Variants in SORBS3 observed in about 807,000 individuals in gnomAD.
SORBS3 encodes vinexin.
In SORBS3, 69 loss-of-function variants were observed where a neutral mutation model predicts 98.0. That is an observed-to-expected ratio of 0.70 (90% CI 0.58 to 0.86). The LOEUF (loss-of-function observed/expected upper bound fraction) is 0.86. SORBS3 is among the 40% of genes least tolerant of loss of function. The pLI, the probability that SORBS3 is intolerant of heterozygous loss-of-function variation, is 0.00. For synonymous variants in SORBS3, 394 were observed against 355.4 expected (o/e 1.11, Z -1.22); for missense variants, 954 against 908.5 (o/e 1.05, Z -0.64).
In SORBS3 at chr8:22,571,818, C is replaced by T; in HGVS notation, c.1844C>T (p.Thr615Ile). 6.2e-7 allele frequency: 1 copy of T among 1,605,874 alleles called. No individual in the cohort carries two copies. Among genetic ancestry groups the T allele is most frequent in the Non-Finnish European group, 8.5e-7 (1 of 1,172,688 alleles). ...SSPNTSQIHW[T>I]PYRAMYQYRP... ...CCTAACACCTCTCAGATACACTGGA[C>T]CCCGTGAGTACCATCTGAGGGCTCT... is the stretch of plus-strand genomic sequence containing the variant. The change falls in exon 19 of 21, where the codon ACC becomes ATC. Residue 615 changes from threonine to isoleucine, a missense_variant. Thr to Ile is a moderately conservative substitution (Grantham distance 89). Transcript: ENST00000240123.
At chr8:22,572,586 C>T (rs1840619250) in intron 20 of SORBS3, 140 bp downstream of exon 20, 1 of 693,466 alleles carries the variant, frequency 1.4e-6, no homozygotes, top group African/African-American at 1.8e-5. Context: ...ACTGGGGGGG[C>T]CTGGCACCCG....
intron 1 of SORBS3, chr8:22,545,507 C>T (rs1840007078): frequency 6.6e-6 from 1 of 152,302 alleles, no homozygotes; most frequent in South Asian, 2.1e-4. Context: ...AAAGATGATA[C>T]TGGAGAGTAT....
chr8:22,554,775 C>A lies in SORBS3; in HGVS notation c.103-88C>A. The A allele has an allele frequency of 7.0e-7, 1 of 1,426,186 alleles. No homozygotes were observed. The highest frequency in any genetic ancestry group is 1.3e-5 in the South Asian group (1 of 79,188). The allele number at this position is 1,426,186 out of a possible 1,614,324, so 88.3% of individuals were successfully genotyped here. ...AATCGTCAGGCGGGCCTGGGACTGT[C>A]ACCGAGGGGTGTGGGCTGTGCCTAG... On this transcript the variant is annotated intron_variant, in intron 2 of 20. Transcript: ENST00000240123. The surrounding 1 kb of genome is among the most constrained non-coding windows in gnomAD (Gnocchi z 6.5).
At chr8:22,567,848 CTT>C (rs35668704) in intron 16 of SORBS3, among the ~76,000 whole-genome samples, 4 of 142,514 alleles carry the variant, frequency 2.8e-5, no homozygotes, top group Admixed American at 2.1e-4. Context: ...TCTTCTCTTT[CTT>C]TTTTTTTTTT....
chr8:22,566,842 G>A lies in SORBS3; in HGVS notation c.1164G>A (p.Lys388=). 1 of 1,613,426 alleles carries A rather than the reference G, an allele frequency of 6.2e-7. No homozygotes were observed. The highest frequency in any genetic ancestry group is 8.5e-7 in the Non-Finnish European group (1 of 1,179,662). Reference sequence around the variant, plus strand: ...CCTAGAGAAAGGCCGCCAGGCTCAAGTTTGACTTCCAGGCGCAGTCCCCCA... The same window carrying A: ...CCTAGAGAAAGGCCGCCAGGCTCAAATTTGACTTCCAGGCGCAGTCCCCCA... ...EEKKRKAARL[K]FDFQAQSPKE... is the part of the protein sequence containing the mutation. The change falls in exon 15 of 21, where the codon AAG becomes AAA. Residue 388 remains lysine (K), a synonymous_variant. Transcript: ENST00000240123.
intron 17 of SORBS3, among the ~76,000 whole-genome samples, chr8:22,569,630 G>T (rs1223810504): frequency 6.6e-6 from 1 of 152,174 alleles, no homozygotes; most frequent in African/African-American, 2.4e-5. Context: ...GAGCCACCGC[G>T]CCTGGCCTAA....
chr8:22,565,518 C>T, intron 11 of SORBS3, 164 bp downstream of exon 11: 2 of 598,232 alleles, frequency 3.3e-6, no homozygotes, highest in Non-Finnish European at 5.0e-6. Context: ...GGGCTCGCTC[C>T]TCCATAAATA....
At chr8:22,558,398 C>T (rs939352464) in intron 5 of SORBS3, among the ~76,000 whole-genome samples, 1 of 152,218 alleles carries the variant, frequency 6.6e-6, no homozygotes, top group African/African-American at 2.4e-5. Flanking sequence ...CCAAGAAGAA[C>T]ATTGACCAGC....
rs1164925478 is a variant in SORBS3, at chr8:22,575,209, C to T, written c.*481C>T. On this transcript the variant is annotated 3_prime_UTR_variant, in exon 21 of 21. Coordinates refer to ENST00000240123, the MANE Select transcript of SORBS3 (RefSeq NM_005775.5). Reference sequence around the variant, plus strand: ...CTGGCTGCCCTCTTTGCCTTCTGGCCTCCAGCTGGGTGTGGGGGGGCGGAG... The same window carrying T: ...CTGGCTGCCCTCTTTGCCTTCTGGCTTCCAGCTGGGTGTGGGGGGGCGGAG... The T allele has an allele frequency of 3.1e-6, 1 of 321,468 alleles. No individual in the cohort carries two copies. The highest frequency in any genetic ancestry group is 2.2e-5 in the African/African-American group (1 of 45,516). The allele number at this position is 321,468 out of a possible 1,614,324, so 19.9% of individuals were successfully genotyped here.
intron 15 of SORBS3, 92 bp from the exon 16 acceptor site, chr8:22,566,969 G>A (rs1037959678): frequency 7.1e-6 from 11 of 1,548,996 alleles, no homozygotes; most frequent in African/African-American, 4.1e-5. Flanking sequence ...TCCCCAAGGG[G>A]TGAGAGAACT....
chr8:22,573,802 A>C (rs1840652641), intron 20 of SORBS3, among the ~76,000 whole-genome samples: 1 of 152,224 alleles, frequency 6.6e-6, no homozygotes, highest in Non-Finnish European at 1.5e-5. Context: ...CTATTTTTCT[A>C]TATATAGGAA....
intron 3 of SORBS3, among the ~76,000 whole-genome samples, chr8:22,556,267 T>A (rs1158275490): frequency 1.3e-5 from 2 of 152,208 alleles, no homozygotes; most frequent in African/African-American, 4.8e-5. Flanking sequence ...CTTGTCACAA[T>A]GACCCTTGTT....
intron 3 of SORBS3, 176 bp from the exon 4 acceptor site, chr8:22,556,539 T>G: frequency 1.6e-6 from 1 of 624,004 alleles, no homozygotes; most frequent in Non-Finnish European, 2.8e-6. Flanking sequence ...TCAAATCCAT[T>G]TAAATTCACT....
At chr8:22,552,856 T>G (rs1840111301) in intron 1 of SORBS3, among the ~76,000 whole-genome samples, 1 of 152,152 alleles carries the variant, frequency 6.6e-6, no homozygotes, top group Non-Finnish European at 1.5e-5. Context: ...GACTGGGGTG[T>G]GTCTGCCTGT....
chr8:22,557,562 T>C (rs754816453), intron 4 of SORBS3, among the ~76,000 whole-genome samples: 3 of 152,126 alleles, frequency 2.0e-5, no homozygotes, highest in Non-Finnish European at 4.4e-5. Flanking sequence ...TCCCAGCACT[T>C]TGGGAGGTCA....
intron 7 of SORBS3, among the ~76,000 whole-genome samples, chr8:22,562,913 G>A (rs1840325711): frequency 6.6e-6 from 1 of 152,154 alleles, no homozygotes; most frequent in Non-Finnish European, 1.5e-5. Flanking sequence ...TCAGGAGATC[G>A]AGACCATCCT....
In SORBS3 at chr8:22,555,696, C is replaced by T. The variant is rs559804891; in HGVS notation, c.220+716C>T. On this transcript the variant is annotated intron_variant, in intron 3 of 20. Transcript: ENST00000240123. ...TGAAACCCCATCTCTAATAAAAATA[C>T]AAAAATTTGCTGGGTGTGGTGGCGG... is the stretch of plus-strand genomic sequence containing the variant. Among the ~76,000 whole-genome samples, 143 of 152,170 alleles carry T rather than the reference C, an allele frequency of 9.4e-4. 1 individual carries two copies. Among genetic ancestry groups the T allele is most frequent in the African/African-American group, 3.3e-3 (138 of 41,522 alleles).
intron 5 of SORBS3, among the ~76,000 whole-genome samples, chr8:22,558,929 C>A (rs1004269084): frequency 1.3e-5 from 2 of 152,162 alleles, no homozygotes; most frequent in African/African-American, 4.8e-5. Flanking sequence ...TCTGGACGGG[C>A]AAGGAGAGCC....
rs571373802 is a variant in SORBS3, at chr8:22,574,851, C to A, written c.*123C>A. The A allele has an allele frequency of 1.3e-5, 12 of 954,808 alleles. No homozygotes were observed. The highest frequency in any genetic ancestry group is 1.2e-4 in the South Asian group (9 of 77,448). 59.1% of individuals were successfully genotyped at this position (954,808 alleles called of 1,614,324 possible). A position where few individuals can be genotyped will look rare whatever the true frequency, so the allele number is the denominator to read the frequency against. The stretch of plus-strand genomic sequence containing the variant: ...GACCTGAGCTCCCAGCATCTGCAGA[C>A]GACCCCCGCAGCCTTTCCCTCGGAC... On this transcript the variant is annotated 3_prime_UTR_variant, in exon 21 of 21. Transcript: ENST00000240123.
Sources: gnomAD v4.1 joint callset for allele counts (sites outside exome capture counted in the v4.1 genomes callset) on GRCh38, gnomAD v4.1.1 for gene constraint, Gnocchi (gnomAD v3.1) non-coding constraint, MANE v1.5 for transcripts, NCBI Gene and HGNC (gene_info 2026-07-23, HGNC 2026-07-21) for gene names.